Variants in TGFB3 observed in about 807,000 individuals in gnomAD.
The protein encoded by TGFB3 is transforming growth factor beta 3.
A neutral mutation model predicts 40.1 loss-of-function variants in TGFB3; 5 were observed. That is an observed-to-expected ratio of 0.12 (90% CI 0.07 to 0.26). The LOEUF is 0.26. Ranked by LOEUF, TGFB3 falls within the 10% of genes least tolerant of loss-of-function variation. TGFB3 has a pLI of 1.00. For missense variants in TGFB3, 373 were observed against 530.1 expected, an observed-to-expected ratio of 0.70 and a Z score of 2.91; for synonymous variants, 184 against 205.6, an observed-to-expected ratio of 0.89 and a Z score of 0.90.
At position 75,971,293 on chromosome 14, in the gene TGFB3, G is replaced by T; in HGVS notation, c.517-38C>A. Reference sequence around the variant, plus strand: ...GAAAGGAGTGAGTACCCGAGACCAGGACAGAGTGCCCCAGAAGATGTCACA... The same window carrying T: ...GAAAGGAGTGAGTACCCGAGACCAGTACAGAGTGCCCCAGAAGATGTCACA... On this transcript the variant is annotated intron_variant, in intron 2 of 6. Transcript: ENST00000238682. The surrounding 1 kb of genome is among the most constrained non-coding windows in gnomAD (Gnocchi z 4.5). 4 of 1,613,670 alleles carry T rather than the reference G, an allele frequency of 2.5e-6. No individual in the cohort carries two copies. The highest frequency in any genetic ancestry group is 1.1e-5 in the South Asian group (1 of 90,916).
chr14:75,961,133 C>G, intron 5 of TGFB3, 57 bp from the exon 6 acceptor site: 1 of 1,593,172 alleles, frequency 6.3e-7, no homozygotes, highest in Non-Finnish European at 8.6e-7. Flanking sequence ...AAAGAAACTT[C>G]ATGAATGCTC....
Position 75,971,381 on chromosome 14 carries a change from G to A in TGFB3, c.517-126C>T. 2 of 1,530,580 alleles carry A rather than the reference G, an allele frequency of 1.3e-6. No homozygotes were observed. The highest frequency in any genetic ancestry group is 1.8e-6 in the Non-Finnish European group (2 of 1,119,942). 94.8% of individuals were successfully genotyped at this position (1,530,580 alleles called of 1,614,324 possible). A position where few individuals can be genotyped will look rare whatever the true frequency, so the allele number is the denominator to read the frequency against. ...GGTTCCTGAATGCCATGGCCCTCGA[G>A]CACCTTAGCTAACTCTTAAGTGTTT... is the stretch of plus-strand genomic sequence containing the variant. On this transcript the variant is annotated intron_variant, in intron 2 of 6. Coordinates refer to ENST00000238682, the MANE Select transcript of TGFB3 (RefSeq NM_003239.5). The surrounding 1 kb of genome is among the most constrained non-coding windows in gnomAD (Gnocchi z 4.5).
rs2035398443 is a variant in TGFB3 at position 75,979,695 on chromosome 14, A to AG, written c.352+846_352+847insC. ...CCTGGGACGGCAGGCTCCCAGACAT[A>AG]TCCCCCCCCCCCACCATGCACCCAC... is the stretch of plus-strand genomic sequence containing the variant. On this transcript the variant is annotated intron_variant, in intron 1 of 6. Coordinates refer to ENST00000238682, the MANE Select transcript of TGFB3 (RefSeq NM_003239.5). This position sits in a 1 kb window ranked among gnomAD's most constrained non-coding sequence, Gnocchi z 4.8. Among the ~76,000 whole-genome samples, 1 of 138,084 alleles carries AG rather than the reference A, an allele frequency of 7.2e-6. No individual in the cohort carries two copies. The highest frequency in any genetic ancestry group is 1.6e-5 in the Non-Finnish European group (1 of 62,938). 90.6% of individuals were successfully genotyped at this position (138,084 alleles called of 152,430 possible). A position where few individuals can be genotyped will look rare whatever the true frequency, so the allele number is the denominator to read the frequency against.
intron 1 of TGFB3, among the ~76,000 whole-genome samples, chr14:75,976,326 T>C (rs2035353455): frequency 6.6e-6 from 1 of 152,186 alleles, no homozygotes; most frequent in Admixed American, 6.5e-5. Context: ...GGCATATTTT[T>C]TTCAAGATCT....
intron 4 of TGFB3, among the ~76,000 whole-genome samples, chr14:75,963,874 A>ATTTGTTTGTTTG: frequency 6.6e-6 from 1 of 151,594 alleles, no homozygotes; most frequent in African/African-American, 2.4e-5. Flanking sequence ...CGGCTTGTTT[A>ATTTGTTTGTTTG]TTTGTTTGTT....
chr14:75,962,662 A>C (rs2035171127), intron 5 of TGFB3, among the ~76,000 whole-genome samples: 1 of 152,166 alleles, frequency 6.6e-6, no homozygotes, highest in African/African-American at 2.4e-5. Flanking sequence ...CTCCCAGTTA[A>C]AGCACTTAAT....
At chr14:75,966,820 T>C (rs189419635) in intron 3 of TGFB3, 2 of 152,332 alleles carry the variant, frequency 1.3e-5, no homozygotes, top group East Asian at 1.9e-4. Flanking sequence ...CTGAGACAAG[T>C]AGTTTTACAC....
At chr14:75,963,241 G>C in intron 5 of TGFB3, 75 bp downstream of exon 5, 1 of 1,565,898 alleles carries the variant, frequency 6.4e-7, no homozygotes, top group Non-Finnish European at 8.8e-7. Context: ...AGTGTGGCTT[G>C]GCTCTGGGGC....
chr14:75,969,031 C>T (rs757130739), intron 3 of TGFB3, among the ~76,000 whole-genome samples: 13 of 152,206 alleles, frequency 8.5e-5, no homozygotes, highest in East Asian at 1.9e-4. Flanking sequence ...TCATCTCTGA[C>T]GGATGGTTAT....
intron 3 of TGFB3, among the ~76,000 whole-genome samples, chr14:75,969,737 C>T (rs969439928): frequency 3.3e-5 from 5 of 152,136 alleles, no homozygotes; most frequent in Non-Finnish European, 7.4e-5. Flanking sequence ...CAGAACAGAA[C>T]CTGTTCTTCT....
Position 75,963,357 on chromosome 14 carries a change from ACC to A in TGFB3, c.883_884del (p.Gly295SerfsTer28), listed in dbSNP as rs1060502826. The A allele has an allele frequency of 6.2e-7, 1 of 1,612,934 alleles. No individual in the cohort carries two copies. The highest frequency in any genetic ancestry group is 8.5e-7 in the Non-Finnish European group (1 of 1,179,768). On this transcript the variant is annotated frameshift_variant, in exon 5 of 7. Transcript: ENST00000238682. LOFTEE classifies it high-confidence loss of function. ...TGTCCAAAGCCCGCTTCTTCCTCTG[ACC>A]CCCCTGGCCCGGGTTGTCGAGCCGG... ...PHRLDNPGQG[G>X]QRKKRALDTN...
chr14:75,962,222 A>T (rs923817565), intron 5 of TGFB3, among the ~76,000 whole-genome samples: 4 of 152,206 alleles, frequency 2.6e-5, no homozygotes, highest in Non-Finnish European at 5.9e-5. Context: ...AGAAATCACT[A>T]TGATTAAAGT....
chr14:75,970,474 C>A (rs550467401), intron 3 of TGFB3, among the ~76,000 whole-genome samples: 1 of 151,688 alleles, frequency 6.6e-6, no homozygotes, highest in African/African-American at 2.4e-5. Flanking sequence ...ACGTGAGAAT[C>A]GCTTGAACCC....
Position 75,980,800 on chromosome 14 carries a change from A to T in TGFB3, c.94T>A (p.Phe32Ile), listed in dbSNP as rs1194816649. 1 of 1,614,062 alleles carries T rather than the reference A, an allele frequency of 6.2e-7. No individual in the cohort carries two copies. Among genetic ancestry groups the T allele is most frequent in the African/African-American group, 1.3e-5 (1 of 74,914 alleles). Reference sequence around the variant, plus strand: ...ACCCTCTTCTTCTTGATGTGGCCGAAGTCCAAGGTGGTGCAAGTGGACAGA... The same window carrying T: ...ACCCTCTTCTTCTTGATGTGGCCGATGTCCAAGGTGGTGCAAGTGGACAGA... The part of the protein sequence containing the change: ...LSLSTCTTLD[F>I]GHIKKKRVEA... Residue 32 changes from phenylalanine (F) to isoleucine (I), a missense_variant, in exon 1 of 7, where the codon TTC becomes ATC. Physicochemically the swap from Phe to Ile is conservative, Grantham distance 21. Coordinates refer to ENST00000238682, the MANE Select transcript of TGFB3 (RefSeq NM_003239.5). This position sits in a 1 kb window ranked among gnomAD's most constrained non-coding sequence, Gnocchi z 4.3.
chr14:75,982,181 C>T (rs188819474), upstream of TGFB3, among the ~76,000 whole-genome samples: 38 of 152,362 alleles, frequency 2.5e-4, no homozygotes, highest in East Asian at 6.0e-3. This position sits in a 1 kb window ranked among gnomAD's most constrained non-coding sequence, Gnocchi z 4.0. Flanking sequence ...GACGTGGTAG[C>T]TGAACTTTTT....
intron 5 of TGFB3, among the ~76,000 whole-genome samples, chr14:75,962,254 CCTAA>C (rs2035166414): frequency 6.6e-6 from 1 of 152,298 alleles, no homozygotes; most frequent in South Asian, 2.1e-4. Context: ...ATCATTCGTT[CCTAA>C]CTGATTCGTT....
chr14:75,980,634 C>A lies in TGFB3; in HGVS notation c.260G>T (p.Arg87Met), dbSNP rs1379970824. The change falls in exon 1 of 7, where the codon AGG (arginine) becomes ATG (methionine). Residue 87 changes from arginine (R) to methionine (M), a missense_variant. Transcript: ENST00000238682. The surrounding 1 kb of genome is among the most constrained non-coding windows in gnomAD (Gnocchi z 4.3). ...GTTTTCCTGGGTGCAGCCTTCCTCC[C>A]TCTCCCCATGCATCTCCTCCAGCAG... ...RELLEEMHGE[R>M]EEGCTQENTE... 2.5e-6 allele frequency: 4 copies of A among 1,614,250 alleles called. No individual in the cohort carries two copies. Among genetic ancestry groups the A allele is most frequent in the Admixed American group, 3.3e-5 (2 of 60,030 alleles).
Position 75,963,328 on chromosome 14 carries a change from T to A in TGFB3, c.914A>T (p.Asn305Ile). Residue 305 changes from asparagine to isoleucine, a missense_variant, in exon 5 of 7, where the codon AAT becomes ATT. Physicochemically the swap from Asn to Ile is moderately radical, Grantham distance 149. Transcript: ENST00000238682. ...GQRKKRALDTNYCFRNLEENC... is the reference protein window; with the variant it reads ...GQRKKRALDTIYCFRNLEENC... ...GGCCCAGTCTCACCGGAAGCAGTAA[T>A]TGGTGTCCAAAGCCCGCTTCTTCCT... The A allele has an allele frequency of 1.2e-6, 2 of 1,614,044 alleles. No homozygotes were observed. The highest frequency in any genetic ancestry group is 1.7e-6 in the Non-Finnish European group (2 of 1,179,970).
At chr14:75,969,685 G>T (rs956572144) in intron 3 of TGFB3, among the ~76,000 whole-genome samples, 3 of 152,194 alleles carry the variant, frequency 2.0e-5, no homozygotes, top group Non-Finnish European at 4.4e-5. Flanking sequence ...CTCCAGGATA[G>T]CTCTACTTGC....
Sources: gnomAD v4.1 joint callset for allele counts (sites outside exome capture counted in the v4.1 genomes callset) on GRCh38, gnomAD v4.1.1 for gene constraint, Gnocchi (gnomAD v3.1) non-coding constraint, MANE v1.5 for transcripts, NCBI Gene and HGNC (gene_info 2026-07-23, HGNC 2026-07-21) for gene names.